The following XPR1 variants were observed in gnomAD, a reference collection of about 807,000 sequenced individuals.
XPR1 encodes solute carrier family 53 member 1.
A neutral mutation model predicts 87.5 loss-of-function variants in XPR1; 28 were observed. The observed-to-expected ratio is 0.32, with a 90% confidence interval of 0.24 to 0.44. The LOEUF (loss-of-function observed/expected upper bound fraction) is 0.44, where lower values mean the gene tolerates loss of function less well. XPR1 is among the 20% of genes least tolerant of loss of function. The pLI is 1.00. For synonymous variants in XPR1, 300 were observed against 306.1 expected (o/e 0.98, Z 0.21); for missense variants, 559 against 862.3 (o/e 0.65, Z 4.41).
intron 2 of XPR1, among the ~76,000 whole-genome samples, chr1:180,770,595 A>G (rs866536430): frequency 6.6e-6 from 1 of 152,130 alleles, no homozygotes; most frequent in African/African-American, 2.4e-5. Flanking sequence ...ATTTTATCCA[A>G]CATTTTTAGA....
At chr1:180,741,687 A>T (rs1332623481) in intron 2 of XPR1, among the ~76,000 whole-genome samples, 1 of 152,082 alleles carries the variant, frequency 6.6e-6, no homozygotes, top group Non-Finnish European at 1.5e-5. Flanking sequence ...GGATTTCACC[A>T]TGTTAACCAG....
intron 2 of XPR1, among the ~76,000 whole-genome samples, chr1:180,745,326 G>A (rs1389500724): frequency 1.3e-5 from 2 of 152,214 alleles, no homozygotes; most frequent in East Asian, 1.9e-4. Context: ...ACAGGAGGGA[G>A]GGAGGGGAAG....
intron 11 of XPR1, among the ~76,000 whole-genome samples, chr1:180,853,139 G>C (rs1357573137): frequency 6.6e-6 from 1 of 152,100 alleles, no homozygotes; most frequent in African/African-American, 2.4e-5. Context: ...CGTTAGCCAA[G>C]CTGGTCTTGA....
At chr1:180,841,135 A>G (rs1428848510) in intron 11 of XPR1, among the ~76,000 whole-genome samples, 1 of 152,182 alleles carries the variant, frequency 6.6e-6, no homozygotes, top group Non-Finnish European at 1.5e-5. Context: ...AGGCATAAAA[A>G]TAGAGTATAA....
chr1:180,818,193 A>G (rs190833841), intron 7 of XPR1, among the ~76,000 whole-genome samples: 36 of 152,274 alleles, frequency 2.4e-4, no homozygotes, highest in Non-Finnish European at 5.0e-4. Flanking sequence ...TCTTTATAAT[A>G]TTTGTGGTTC....
intron 2 of XPR1, among the ~76,000 whole-genome samples, chr1:180,735,616 A>G (rs1658704020): frequency 6.6e-6 from 1 of 152,130 alleles, no homozygotes; most frequent in Non-Finnish European, 1.5e-5. Context: ...GAACTCTATT[A>G]ACTATTCCCT....
chr1:180,881,480 T>C (rs1002212403), intron 14 of XPR1, among the ~76,000 whole-genome samples: 2 of 152,192 alleles, frequency 1.3e-5, no homozygotes, highest in African/African-American at 4.8e-5. Context: ...ACAGAGAATT[T>C]TTCTGTAGAA....
At chr1:180,702,974 T>G (rs545059237) in intron 2 of XPR1, among the ~76,000 whole-genome samples, 28 of 152,220 alleles carry the variant, frequency 1.8e-4, no homozygotes, top group African/African-American at 6.3e-4. Context: ...ACTGTAGTGT[T>G]GATTGGGTAG....
chr1:180,857,240 G>GT (rs1456405539), intron 11 of XPR1, among the ~76,000 whole-genome samples: 1 of 152,120 alleles, frequency 6.6e-6, no homozygotes, highest in African/African-American at 2.4e-5. Context: ...CCTGAACGCT[G>GT]TTTCTGCCTG....
chr1:180,860,473 G>A (rs1277552398), intron 11 of XPR1, among the ~76,000 whole-genome samples: 1 of 151,960 alleles, frequency 6.6e-6, no homozygotes, highest in Non-Finnish European at 1.5e-5. Flanking sequence ...GCAAGTAAAT[G>A]GATAAACAAT....
intron 2 of XPR1, among the ~76,000 whole-genome samples, chr1:180,785,677 A>G (rs185878716): frequency 1.4e-4 from 22 of 152,112 alleles, no homozygotes; most frequent in Admixed American, 1.2e-3. Context: ...AAGAGAAGCT[A>G]TGTTTGAATC....
At chr1:180,725,302 A>T (rs570854601) in intron 2 of XPR1, among the ~76,000 whole-genome samples, 1 of 152,126 alleles carries the variant, frequency 6.6e-6, no homozygotes, top group African/African-American at 2.4e-5. Flanking sequence ...GATAGTGTGA[A>T]TTTTTTTTGA....
chr1:180,887,682 C>T lies in XPR1; in HGVS notation c.*3616C>T, dbSNP rs185830472. 1.4e-4 allele frequency: 22 copies of T among 152,310 alleles called. No homozygotes were observed. The highest frequency in any genetic ancestry group is 6.2e-4 in the South Asian group (3 of 4,822). 9.4% of individuals were successfully genotyped at this position (152,310 alleles called of 1,614,324 possible). The stretch of plus-strand genomic sequence containing the variant: ...CAAAGGTGTGGGAGAACACCATTCA[C>T]CTCAGTAGTAACTTATAAAAACCGT... On this transcript the variant is annotated 3_prime_UTR_variant, in exon 15 of 15. Coordinates refer to ENST00000367590, the MANE Select transcript of XPR1 (RefSeq NM_004736.4).
At chr1:180,827,177 A>AT (rs1491161217) in intron 9 of XPR1, among the ~76,000 whole-genome samples, 1 of 136,832 alleles carries the variant, frequency 7.3e-6, no homozygotes, top group Non-Finnish European at 1.6e-5. Flanking sequence ...AAAAAAAAAA[A>AT]GGGGGTCTCC....
intron 11 of XPR1, among the ~76,000 whole-genome samples, chr1:180,847,399 T>C (rs1651719963): frequency 6.6e-6 from 1 of 152,188 alleles, no homozygotes; most frequent in Non-Finnish European, 1.5e-5. Context: ...AAAAGCACCA[T>C]CTTAGTGAAA....
chr1:180,644,600 A>G (rs557148779), intron 1 of XPR1, among the ~76,000 whole-genome samples: 148 of 152,072 alleles, frequency 9.7e-4, no homozygotes, highest in African/African-American at 3.4e-3. Context: ...CTACCTGTAA[A>G]ACAGTGGAAA....
chr1:180,689,869 T>C (rs1259507613), intron 2 of XPR1, among the ~76,000 whole-genome samples: 2 of 152,152 alleles, frequency 1.3e-5, no homozygotes, highest in Non-Finnish European at 2.9e-5. Context: ...GTTAAAAGTT[T>C]ATTTGCCCAT....
chr1:180,850,152 A>G (rs1651818384), intron 11 of XPR1, among the ~76,000 whole-genome samples: 2 of 152,322 alleles, frequency 1.3e-5, no homozygotes, highest in South Asian at 4.1e-4. Context: ...CTCTACTTCT[A>G]AAAATATTTT....
intron 2 of XPR1, among the ~76,000 whole-genome samples, chr1:180,760,259 G>T (rs1300633632): frequency 6.6e-6 from 1 of 152,130 alleles, no homozygotes; most frequent in Non-Finnish European, 1.5e-5. Flanking sequence ...GGAAGTTCTG[G>T]CCAGGGCAAA....
Sources: gnomAD v4.1 joint callset for allele counts (sites outside exome capture counted in the v4.1 genomes callset) on GRCh38, gnomAD v4.1.1 for gene constraint, MANE v1.5 for transcripts, NCBI Gene and HGNC (gene_info 2026-07-23, HGNC 2026-07-21) for gene names.